The following MTTP variants were observed in gnomAD, a reference collection of about 807,000 sequenced individuals.
MTTP encodes microsomal triglyceride transfer protein large subunit.
Under a neutral mutation model 90.6 loss-of-function variants are expected in MTTP, and 49 were observed. The observed-to-expected ratio is 0.54, with a 90% confidence interval of 0.43 to 0.69. The LOEUF is 0.69. Ranked by LOEUF, MTTP falls within the 30% of genes least tolerant of loss-of-function variation. MTTP has a pLI of 0.00. For synonymous variants in MTTP, 347 were observed against 384.2 expected (o/e 0.90, Z 1.13); for missense variants, 945 against 1,067.5 (o/e 0.89, Z 1.60).
intron 1 of MTTP, among the ~76,000 whole-genome samples, chr4:99,567,833 G>A (rs1175267031): frequency 2.0e-5 from 3 of 152,100 alleles, no homozygotes; most frequent in Non-Finnish European, 4.4e-5. Flanking sequence ...GGAACCTCTA[G>A]AGCCATGAAA....
At chr4:99,603,708 T>C (rs949430355) in intron 10 of MTTP, among the ~76,000 whole-genome samples, 7 of 152,046 alleles carry the variant, frequency 4.6e-5, no homozygotes, top group South Asian at 2.1e-4. Context: ...GTTTTGGCCA[T>C]GTTAAGTTCA....
Position 99,608,883 on chromosome 4 carries a change from A to T in MTTP, c.1675A>T (p.Asn559Tyr). Residue 559 changes from asparagine (N) to tyrosine (Y), a missense_variant, in exon 12 of 18, where the codon AAC becomes TAC. Physicochemically the swap from Asn to Tyr is moderately radical, Grantham distance 143. Transcript: ENST00000265517. Reference protein sequence around the residue: ...NNNPSYMDVKNILLSIGELPQ... With the variant: ...NNNPSYMDVKYILLSIGELPQ... ...CAATCCATCCTACATGGACGTCAAG[A>T]ACATCCTGCTGTCTATTGGGGAGCT... 1 of 1,614,118 alleles carries T rather than the reference A, an allele frequency of 6.2e-7. No individual in the cohort carries two copies. The highest frequency in any genetic ancestry group is 8.5e-7 in the Non-Finnish European group (1 of 1,179,996).
chr4:99,583,300 T>G, intron 2 of MTTP, 74 bp from the exon 3 acceptor site: 6 of 1,513,184 alleles, frequency 4.0e-6, no homozygotes, highest in Non-Finnish European at 5.4e-6. Flanking sequence ...TCTTTATCAT[T>G]TTATTTTCAG....
Position 99,600,481 on chromosome 4 carries a change from C to T in MTTP, c.1068-84C>T, listed in dbSNP as rs142289113. The T allele has an allele frequency of 1.4e-3, 1,990 of 1,375,012 alleles. 6 individuals carry two copies. Among genetic ancestry groups the T allele is most frequent in the Middle Eastern group, 0.012 (56 of 4,532 alleles). 85.2% of individuals were successfully genotyped at this position (1,375,012 alleles called of 1,614,324 possible). A position where few individuals can be genotyped will look rare whatever the true frequency, so the allele number is the denominator to read the frequency against. The stretch of plus-strand genomic sequence containing the variant: ...AATCACTTCTTGAGAAAACTCAAAC[C>T]AATAGAAACTCTGTGAATGGTAGAG... On this transcript the variant is annotated intron_variant, in intron 8 of 17. Coordinates refer to ENST00000265517, the MANE Select transcript of MTTP (RefSeq NM_001386140.1).
At chr4:99,606,515 G>A (rs777401744) in intron 10 of MTTP, among the ~76,000 whole-genome samples, 18 of 152,080 alleles carry the variant, frequency 1.2e-4, no homozygotes, top group Non-Finnish European at 2.4e-4. Context: ...GCCCATTATT[G>A]ATAATACTCA....
Position 99,589,637 on chromosome 4 carries a change from C to G in MTTP, c.394-6C>G. On this transcript the variant is annotated splice_polypyrimidine_tract_variant and splice_region_variant and intron_variant, in intron 3 of 17. Coordinates refer to ENST00000265517, the MANE Select transcript of MTTP (RefSeq NM_001386140.1). ...CATTTGTGTTCTGTTCCCCTCTCCCCACCAGGTCAAAGAGTTCTACTCATA... is the reference window on the plus strand; with the variant it reads ...CATTTGTGTTCTGTTCCCCTCTCCCGACCAGGTCAAAGAGTTCTACTCATA... 1 of 1,540,030 alleles carries G rather than the reference C, an allele frequency of 6.5e-7. No homozygotes were observed. Among genetic ancestry groups the G allele is most frequent in the South Asian group, 1.1e-5 (1 of 89,492 alleles).
At chr4:99,583,274 G>T (rs1309474904) in intron 2 of MTTP, 100 bp from the exon 3 acceptor site, 3 of 1,330,592 alleles carry the variant, frequency 2.3e-6, no homozygotes. Context: ...AGAAATTGTG[G>T]CCAACTCTTT....
intron 16 of MTTP, among the ~76,000 whole-genome samples, 191 bp downstream of exon 16, chr4:99,619,289 T>G (rs931724409): frequency 2.0e-5 from 3 of 152,186 alleles, no homozygotes; most frequent in Non-Finnish European, 2.9e-5. Context: ...AGCAGGTCAG[T>G]ACCTAATATG....
chr4:99,588,323 T>A (rs920855226), intron 3 of MTTP, among the ~76,000 whole-genome samples: 1 of 152,138 alleles, frequency 6.6e-6, no homozygotes, highest in Non-Finnish European at 1.5e-5. Flanking sequence ...ATAATTATCA[T>A]AGACCTTGGG....
At chr4:99,577,573 C>G (rs1454933897) in intron 1 of MTTP, among the ~76,000 whole-genome samples, 3 of 141,704 alleles carry the variant, frequency 2.1e-5, no homozygotes, top group Non-Finnish European at 4.5e-5. Context: ...CCATTGCACT[C>G]CAGCCTGGGC....
At chr4:99,594,302 G>C (rs758793629) in intron 6 of MTTP, among the ~76,000 whole-genome samples, 12 of 152,154 alleles carry the variant, frequency 7.9e-5, no homozygotes, top group Non-Finnish European at 1.6e-4. Context: ...ATGACAGACA[G>C]GTTCTGGAAG....
intron 14 of MTTP, among the ~76,000 whole-genome samples, chr4:99,612,112 T>A (rs1725970425): frequency 6.6e-6 from 1 of 152,314 alleles, no homozygotes; most frequent in South Asian, 2.1e-4. Flanking sequence ...AATACAGCCA[T>A]TTAAGTTTTT....
Position 99,591,258 on chromosome 4 carries a change from A to G in MTTP, c.525A>G (p.Lys175=). ...AGGTAGATATCTCTGGAAATTGTAA[A>G]GTGACCTACCAGGCTCATCAAGACA... is the stretch of plus-strand genomic sequence containing the variant. ...TNEVDISGNC[K]VTYQAHQDKV... The change falls in exon 5 of 18, where the codon AAA becomes AAG. Residue 175 remains lysine (K), a synonymous_variant. Coordinates refer to ENST00000265517, the MANE Select transcript of MTTP (RefSeq NM_001386140.1). The G allele has an allele frequency of 6.2e-7, 1 of 1,613,334 alleles. No individual in the cohort carries two copies. The highest frequency in any genetic ancestry group is 2.2e-5 in the East Asian group (1 of 44,844).
intron 12 of MTTP, among the ~76,000 whole-genome samples, chr4:99,609,605 T>C (rs112520120): frequency 0.1 from 15,875 of 151,842 alleles, 995 homozygotes; most frequent in Middle Eastern, 0.2. Context: ...CTGAGTTACA[T>C]GCAGAACACT....
At chr4:99,583,771 T>G in intron 3 of MTTP, 1 of 579,516 alleles carries the variant, frequency 1.7e-6, no homozygotes, top group South Asian at 2.3e-5. Context: ...ATTTATTTAT[T>G]GATGAAAGGC....
chr4:99,580,574 C>CAAAAAAAAAAAAA lies in MTTP; in HGVS notation c.62-1317_62-1305dup, dbSNP rs563138284. 6.3e-4 allele frequency among the ~76,000 whole-genome samples: 25 copies of CAAAAAAAAAAAAA among 39,894 alleles called. 1 individual carries two copies. Among genetic ancestry groups the CAAAAAAAAAAAAA allele is most frequent in the East Asian group, 2.8e-3 (2 of 716 alleles). The allele number at this position is 39,894 out of a possible 152,430, so 26.2% of individuals were successfully genotyped here. A position where few individuals can be genotyped will look rare whatever the true frequency, so the allele number is the denominator to read the frequency against. On this transcript the variant is annotated intron_variant, in intron 1 of 17. Transcript: ENST00000265517. ...TGGCCGACAGAGTGAGACTCTGTCT[C>CAAAAAAAAAAAAA]AAAAAAAAAAAAAAAAAAAAAAAAA...
In MTTP at chr4:99,613,570, C is replaced by A. The variant is rs529857381; in HGVS notation, c.2217+430C>A. ...AGATGCATACAGTGCATCATTTTGA[C>A]CCTGCCAAATTAGTAGAGGCACAAG... On this transcript the variant is annotated intron_variant, in intron 15 of 17. Coordinates refer to ENST00000265517, the MANE Select transcript of MTTP (RefSeq NM_001386140.1). Among the ~76,000 whole-genome samples, 10 of 152,210 alleles carry A rather than the reference C, an allele frequency of 6.6e-5. No homozygotes were observed. In the South Asian group the frequency reaches 1.7e-3, roughly 25 times the overall value.
chr4:99,597,225 G>GT lies in MTTP; in HGVS notation c.1067+2dup. On this transcript the variant is annotated splice_donor_variant, in intron 8 of 17. Coordinates refer to ENST00000265517, the MANE Select transcript of MTTP (RefSeq NM_001386140.1). LOFTEE classifies it high-confidence loss of function. ...TAAAGATGGAAAATAAGGAAGTATT[G>GT]TAAGTTCCCCAACCTTTGTGTGGGG... is the stretch of plus-strand genomic sequence containing the variant. 1 of 1,612,880 alleles carries GT rather than the reference G, an allele frequency of 6.2e-7. No individual in the cohort carries two copies. The highest frequency in any genetic ancestry group is 8.5e-7 in the Non-Finnish European group (1 of 1,179,648).
chr4:99,615,145 G>A (rs534908987), intron 15 of MTTP, among the ~76,000 whole-genome samples: 1 of 152,270 alleles, frequency 6.6e-6, no homozygotes, highest in East Asian at 1.9e-4. Context: ...AAAACCATGA[G>A]GAGTAATCTA....
Sources: gnomAD v4.1 joint callset for allele counts (sites outside exome capture counted in the v4.1 genomes callset) on GRCh38, gnomAD v4.1.1 for gene constraint, MANE v1.5 for transcripts, NCBI Gene and HGNC (gene_info 2026-07-23, HGNC 2026-07-21) for gene names.